Variants in MEIS2 observed in about 807,000 individuals in gnomAD.
MEIS2 encodes the protein homeobox protein Meis2.
Under a neutral mutation model 58.6 loss-of-function variants are expected in MEIS2, and 9 were observed. That is an observed-to-expected ratio of 0.15 (90% confidence interval 0.09 to 0.27). The LOEUF (loss-of-function observed/expected upper bound fraction) is 0.27. MEIS2 is among the 10% of genes least tolerant of loss of function. The pLI is 1.00. For missense variants in MEIS2, 427 were observed against 635.0 expected (o/e 0.67, Z 3.52); for synonymous variants, 221 against 228.4 (o/e 0.97, Z 0.29).
At chr15:36,999,269 A>G (rs1435379795) in intron 8 of MEIS2, among the ~76,000 whole-genome samples, 1 of 152,194 alleles carries the variant, frequency 6.6e-6, no homozygotes, top group Non-Finnish European at 1.5e-5. Context: ...AGTGTCAGAC[A>G]CTGGGCATAC....
chr15:36,906,931 C>T (rs1273965650), intron 9 of MEIS2, among the ~76,000 whole-genome samples: 1 of 152,034 alleles, frequency 6.6e-6, no homozygotes, highest in Non-Finnish European at 1.5e-5. Flanking sequence ...CTAATAGGAC[C>T]AATTCGCTTT....
rs1893851730 is a variant in MEIS2, at chr15:37,093,818, G to A, written c.490-88C>T. The A allele has an allele frequency of 5.8e-6, 9 of 1,565,064 alleles. No homozygotes were observed. In the Admixed American group the frequency reaches 1.4e-4, roughly 24 times the overall value. On this transcript the variant is annotated intron_variant, in intron 5 of 11. Transcript: ENST00000561208. ...TTTTAGAAAGGAAAAATACCAGGTT[G>A]CAAGGTTACATTTGCAAAGAGCAAC... is the stretch of plus-strand genomic sequence containing the variant.
intron 8 of MEIS2, among the ~76,000 whole-genome samples, chr15:36,953,295 C>CATCA (rs2058829579): frequency 6.6e-6 from 1 of 152,194 alleles, no homozygotes; most frequent in Non-Finnish European, 1.5e-5. Flanking sequence ...AACAGACATC[C>CATCA]TATTGAAATA....
chr15:37,038,337 C>T (rs565063693), intron 7 of MEIS2, among the ~76,000 whole-genome samples: 60 of 152,352 alleles, frequency 3.9e-4, no homozygotes, highest in Non-Finnish European at 6.6e-4. Flanking sequence ...GCCCACTGGG[C>T]CACTTGCCTT....
chr15:36,950,372 T>C lies in MEIS2; in HGVS notation c.929A>G (p.Lys310Arg). The C allele has an allele frequency of 1.2e-6, 2 of 1,613,006 alleles. 1 individual carries two copies. Among genetic ancestry groups the C allele is most frequent in the South Asian group, 2.2e-5 (2 of 91,024 alleles). ...THPYPSEEQK[K>R]QLAQDTGLTI... ...AAGTCCTGTGTCTTGCGCTAACTGT[T>C]TCTTCTGCTCTTCGGAAGGGTACGG... is the stretch of plus-strand genomic sequence containing the variant. Residue 310 changes from lysine (K) to arginine (R), a missense_variant, in exon 9 of 12, where the codon AAA (lysine) becomes AGA (arginine). By Grantham distance (26) the Lys-to-Arg change is conservative (BLOSUM62 2). Around this residue, in one of 6 missense-constraint regions of MEIS2, gnomAD observed 13 missense variants for 55.2 expected, o/e 0.24. Coordinates refer to ENST00000561208, the MANE Select transcript of MEIS2 (RefSeq NM_170675.5).
At chr15:37,042,486 G>T (rs566093937) in intron 7 of MEIS2, among the ~76,000 whole-genome samples, 2 of 152,318 alleles carry the variant, frequency 1.3e-5, no homozygotes, top group East Asian at 3.9e-4. Context: ...GCTACACATG[G>T]TCAAGGATAA....
At chr15:36,974,717 A>G (rs2059683083) in intron 8 of MEIS2, among the ~76,000 whole-genome samples, 1 of 152,180 alleles carries the variant, frequency 6.6e-6, no homozygotes, top group African/African-American at 2.4e-5. Flanking sequence ...AGCATGAGGA[A>G]CCAGGTCCTA....
At chr15:36,909,399 C>T (rs1202523428) in intron 9 of MEIS2, among the ~76,000 whole-genome samples, 1 of 152,060 alleles carries the variant, frequency 6.6e-6, no homozygotes, top group Non-Finnish European at 1.5e-5. Context: ...GAGTGAATAA[C>T]TAAATGAGTG....
intron 8 of MEIS2, among the ~76,000 whole-genome samples, chr15:37,033,514 C>T (rs1412014810): frequency 1.3e-5 from 2 of 152,092 alleles, no homozygotes; most frequent in African/African-American, 2.4e-5. Context: ...GGTCACACTG[C>T]ACAAAAGGGA....
intron 9 of MEIS2, among the ~76,000 whole-genome samples, chr15:36,938,929 C>T (rs1042451941): frequency 6.6e-6 from 1 of 152,156 alleles, no homozygotes; most frequent in Admixed American, 6.5e-5. Flanking sequence ...AAACACTGAA[C>T]CTTCCTCCAT....
At chr15:37,029,591 C>T (rs898244340) in intron 8 of MEIS2, among the ~76,000 whole-genome samples, 2 of 152,044 alleles carry the variant, frequency 1.3e-5, no homozygotes, top group Admixed American at 6.6e-5. Context: ...AGGTGGGTAG[C>T]ACTACATCTC....
chr15:37,013,519 C>A (rs1219777220), intron 8 of MEIS2, among the ~76,000 whole-genome samples: 1 of 151,104 alleles, frequency 6.6e-6, no homozygotes, highest in Non-Finnish European at 1.5e-5. Flanking sequence ...TTGCAGTCAG[C>A]CGAGGTCACG....
At chr15:37,037,146 T>A (rs1388534144) in intron 7 of MEIS2, among the ~76,000 whole-genome samples, 187 bp from the exon 8 acceptor site, 1 of 152,158 alleles carries the variant, frequency 6.6e-6, no homozygotes. Context: ...TCTTCAAATG[T>A]TAATTTTGTG....
chr15:37,071,823 C>A (rs1180660566), intron 7 of MEIS2, among the ~76,000 whole-genome samples: 6 of 151,980 alleles, frequency 3.9e-5, no homozygotes, highest in Non-Finnish European at 7.4e-5. Context: ...GTGCTCTATG[C>A]CCCAAAAAGA....
chr15:36,925,011 C>T (rs2057685172), intron 9 of MEIS2, among the ~76,000 whole-genome samples: 1 of 152,128 alleles, frequency 6.6e-6, no homozygotes, highest in African/African-American at 2.4e-5. Flanking sequence ...TGCAAGACCG[C>T]CCGGGCAGCA....
At chr15:37,049,311 T>C (rs2062808911) in intron 7 of MEIS2, among the ~76,000 whole-genome samples, 1 of 152,134 alleles carries the variant, frequency 6.6e-6, no homozygotes, top group Admixed American at 6.5e-5. Context: ...TGACTGCTAA[T>C]GGGTGTGAGG....
chr15:36,978,369 G>A (rs2059825726), intron 8 of MEIS2, among the ~76,000 whole-genome samples: 1 of 152,210 alleles, frequency 6.6e-6, no homozygotes, highest in African/African-American at 2.4e-5. Flanking sequence ...ACTGTCAGTA[G>A]TAGCAGAATC....
At chr15:37,087,726 T>C (rs1004412392) in intron 6 of MEIS2, among the ~76,000 whole-genome samples, 1 of 152,120 alleles carries the variant, frequency 6.6e-6, no homozygotes, top group Non-Finnish European at 1.5e-5. Flanking sequence ...AAGTTGCAGA[T>C]ACACTGGAAT....
chr15:36,947,046 C>T (rs1286903032), intron 9 of MEIS2, among the ~76,000 whole-genome samples: 2 of 152,022 alleles, frequency 1.3e-5, no homozygotes, highest in Admixed American at 6.6e-5. Flanking sequence ...GACTCTCCAC[C>T]AACTGACCAG....
Sources: allele counts gnomAD v4.1 joint callset (sites outside exome capture counted in the v4.1 genomes callset), GRCh38; gene constraint gnomAD v4.1.1; regional missense constraint gnomAD v4.1.1; transcripts MANE v1.5; gene names NCBI Gene and HGNC (gene_info 2026-07-23, HGNC 2026-07-21).